Variants in CAMKMT observed in about 807,000 individuals in gnomAD.
CAMKMT encodes CaM KMT.
CAMKMT carries 53 observed loss-of-function variants against 48.0 expected under a neutral mutation model. That is an observed-to-expected ratio of 1.10 (90% CI 0.89 to 1.39). The LOEUF (loss-of-function observed/expected upper bound fraction) is 1.39. CAMKMT is among the 40% of genes most tolerant of loss of function. The pLI is 0.00. For missense variants in CAMKMT, 428 were observed against 402.7 expected (o/e 1.06, Z -0.54); for synonymous variants, 165 against 152.3 (o/e 1.08, Z -0.61).
chr2:44,394,506 C>A (rs950685234), intron 3 of CAMKMT, among the ~76,000 whole-genome samples: 4 of 151,944 alleles, frequency 2.6e-5, no homozygotes, highest in Non-Finnish European at 5.9e-5. Context: ...TGGCTCACTG[C>A]AACCTCTGCC....
intron 3 of CAMKMT, among the ~76,000 whole-genome samples, chr2:44,648,016 C>A (rs1020569553): frequency 6.6e-6 from 1 of 150,970 alleles, no homozygotes; most frequent in Non-Finnish European, 1.5e-5. Flanking sequence ...ATTAAAAACC[C>A]GAATGAAGAA....
intron 3 of CAMKMT, among the ~76,000 whole-genome samples, chr2:44,402,228 C>T (rs545827420): frequency 6.7e-6 from 1 of 148,784 alleles, no homozygotes; most frequent in African/African-American, 2.5e-5. Flanking sequence ...ACTCGGGAGG[C>T]TGAGGCAGAA....
intron 7 of CAMKMT, among the ~76,000 whole-genome samples, chr2:44,720,546 A>T (rs901712640): frequency 6.6e-6 from 1 of 152,216 alleles, no homozygotes; most frequent in African/African-American, 2.4e-5. Flanking sequence ...AAACTTTTTT[A>T]GAGAATGGCC....
chr2:44,646,639 C>G (rs1673749557), intron 3 of CAMKMT, among the ~76,000 whole-genome samples: 1 of 152,182 alleles, frequency 6.6e-6, no homozygotes, highest in Non-Finnish European at 1.5e-5. Context: ...CCTAGAAAAT[C>G]TTCCCACAAG....
intron 3 of CAMKMT, among the ~76,000 whole-genome samples, chr2:44,480,507 A>C (rs1254809107): frequency 6.6e-6 from 1 of 152,036 alleles, no homozygotes; most frequent in Non-Finnish European, 1.5e-5. Context: ...ATCTCTAGAA[A>C]TGCCTATTCA....
intron 3 of CAMKMT, among the ~76,000 whole-genome samples, chr2:44,681,630 A>G (rs750584521): frequency 1.3e-5 from 2 of 151,960 alleles, no homozygotes; most frequent in Non-Finnish European, 2.9e-5. Flanking sequence ...AATTTGGAGT[A>G]CAATGAGATC....
At chr2:44,417,496 G>T (rs770384969) in intron 3 of CAMKMT, among the ~76,000 whole-genome samples, 1 of 152,184 alleles carries the variant, frequency 6.6e-6, no homozygotes, top group African/African-American at 2.4e-5. Flanking sequence ...GGGCTGTTTT[G>T]CATAAAACTA....
intron 3 of CAMKMT, among the ~76,000 whole-genome samples, chr2:44,570,037 T>G (rs1448248524): frequency 6.6e-6 from 1 of 152,182 alleles, no homozygotes; most frequent in Non-Finnish European, 1.5e-5. Context: ...ACATAGTTAA[T>G]TTTTTTCTTT....
intron 3 of CAMKMT, among the ~76,000 whole-genome samples, chr2:44,422,812 G>A (rs887962509): frequency 6.6e-6 from 1 of 151,962 alleles, no homozygotes; most frequent in African/African-American, 2.4e-5. Context: ...CTCTAATGGA[G>A]TTTCCAGTTC....
chr2:44,632,375 A>G (rs1429917700), intron 3 of CAMKMT, among the ~76,000 whole-genome samples: 1 of 152,066 alleles, frequency 6.6e-6, no homozygotes, highest in African/African-American at 2.4e-5. Context: ...TGGATAAATT[A>G]TTTTTTATTT....
intron 4 of CAMKMT, among the ~76,000 whole-genome samples, chr2:44,704,810 AG>A (rs1471744559): frequency 1.3e-5 from 2 of 152,112 alleles, no homozygotes; most frequent in Non-Finnish European, 2.9e-5. Flanking sequence ...CTGGTTTTAA[AG>A]GTAGTTTTAT....
At chr2:44,667,677 C>A (rs1415673266) in intron 3 of CAMKMT, among the ~76,000 whole-genome samples, 1 of 152,152 alleles carries the variant, frequency 6.6e-6, no homozygotes, top group African/African-American at 2.4e-5. Flanking sequence ...CGCAGTCATA[C>A]CCCAGACCTT....
At chr2:44,762,285 C>A (rs548392978) in intron 9 of CAMKMT, among the ~76,000 whole-genome samples, 8 of 152,312 alleles carry the variant, frequency 5.3e-5, no homozygotes. Context: ...GCCAAGAGTT[C>A]AAGAGCAGCC....
chr2:44,684,274 G>A (rs748035795), intron 3 of CAMKMT, among the ~76,000 whole-genome samples: 5 of 152,158 alleles, frequency 3.3e-5, no homozygotes, highest in African/African-American at 7.2e-5. Flanking sequence ...AAGAACACTC[G>A]TGTGTCCTGG....
At chr2:44,714,124 C>A (rs1042534224) in intron 6 of CAMKMT, among the ~76,000 whole-genome samples, 5 of 151,972 alleles carry the variant, frequency 3.3e-5, no homozygotes, top group Admixed American at 2.6e-4. Context: ...TATGATGAAG[C>A]CAGGAATAGA....
intron 3 of CAMKMT, chr2:44,456,631 A>G (rs1410181516): frequency 6.5e-7 from 1 of 1,547,102 alleles, no homozygotes; most frequent in African/African-American, 1.4e-5. Context: ...TTTTGTTTAA[A>G]TGGTAAATAT....
At chr2:44,364,272 C>A (rs919119067) in intron 1 of CAMKMT, among the ~76,000 whole-genome samples, 2 of 152,086 alleles carry the variant, frequency 1.3e-5, no homozygotes, top group African/African-American at 2.4e-5. Flanking sequence ...GTTCTGACAT[C>A]GAAACTTTTG....
chr2:44,696,530 A>T (rs1368770207), intron 3 of CAMKMT, among the ~76,000 whole-genome samples: 1 of 152,190 alleles, frequency 6.6e-6, no homozygotes, highest in Non-Finnish European at 1.5e-5. Flanking sequence ...CCAACAAAAA[A>T]CTGGAGGTTT....
chr2:44,756,240 CAACCAGTAG>C (rs1477319621), intron 9 of CAMKMT, among the ~76,000 whole-genome samples: 4 of 152,242 alleles, frequency 2.6e-5, no homozygotes, highest in African/African-American at 7.2e-5. Flanking sequence ...AGCATGGGAG[CAACCAGTAG>C]AAAACTGGAC....
Sources: gnomAD v4.1 joint callset for allele counts (sites outside exome capture counted in the v4.1 genomes callset) on GRCh38, gnomAD v4.1.1 for gene constraint, MANE v1.5 for transcripts, NCBI Gene and HGNC (gene_info 2026-07-23, HGNC 2026-07-21) for gene names.